The following CHP1 variants were observed in gnomAD, a reference collection of about 807,000 sequenced individuals.
CHP1 encodes calcineurin like EF-hand protein 1, also known as calcineurin B homologous protein 1.
Under a neutral mutation model 27.4 loss-of-function variants are expected in CHP1, and 11 were observed. The observed-to-expected ratio is 0.40, with a 90% CI of 0.25 to 0.67. The LOEUF (loss-of-function observed/expected upper bound fraction) is 0.67. Ranked by LOEUF, CHP1 falls within the 30% of genes least tolerant of loss-of-function variation. CHP1 has a pLI of 0.38. For missense variants in CHP1, 169 were observed against 251.3 expected, an observed-to-expected ratio of 0.67 and a Z score of 2.22; for synonymous variants, 89 against 87.4, an observed-to-expected ratio of 1.02 and a Z score of -0.10.
intron 1 of CHP1, among the ~76,000 whole-genome samples, chr15:41,241,899 C>T (rs1233948100): frequency 6.6e-6 from 1 of 152,200 alleles, no homozygotes; most frequent in Non-Finnish European, 1.5e-5. Context: ...TCTGAAGGTA[C>T]AGCCTCGGAC....
At position 41,265,840 on chromosome 15, in the gene CHP1, C is replaced by T. The variant is rs147017616; in HGVS notation, c.349+2957C>T. On this transcript the variant is annotated intron_variant, in intron 4 of 6. Coordinates refer to ENST00000334660, the MANE Select transcript of CHP1 (RefSeq NM_007236.5). ...TTTGTTCTATTTCTTTTCTAAGCCA[C>T]GGTGAGAGAATTTTAATCACGATCA... Among the ~76,000 whole-genome samples, 203 of 152,234 alleles carry T rather than the reference C, an allele frequency of 1.3e-3. 1 individual carries two copies. The highest frequency in any genetic ancestry group is 4.7e-3 in the African/African-American group (195 of 41,542).
chr15:41,250,899 G>T (rs979614185), intron 2 of CHP1, among the ~76,000 whole-genome samples: 1 of 150,848 alleles, frequency 6.6e-6, no homozygotes, highest in South Asian at 2.1e-4. Context: ...GCACAATCTC[G>T]GCTCACTGCA....
At chr15:41,266,175 C>G (rs1184952578) in intron 4 of CHP1, among the ~76,000 whole-genome samples, 1 of 151,984 alleles carries the variant, frequency 6.6e-6, no homozygotes, top group Non-Finnish European at 1.5e-5. Flanking sequence ...TCCAGCTACT[C>G]AGGAGACTGA....
chr15:41,257,626 C>G (rs2047407480), intron 3 of CHP1, among the ~76,000 whole-genome samples: 1 of 151,988 alleles, frequency 6.6e-6, no homozygotes, highest in Non-Finnish European at 1.5e-5. Flanking sequence ...GTGGTGCCAT[C>G]TCGGCTCACT....
chr15:41,238,216 G>C (rs1242132258), intron 1 of CHP1, among the ~76,000 whole-genome samples: 1 of 151,596 alleles, frequency 6.6e-6, no homozygotes, highest in Non-Finnish European at 1.5e-5. Context: ...GGAGTGGAGG[G>C]GTGTGATCAT....
chr15:41,231,373 C>A lies in CHP1; in HGVS notation c.-10C>A. 1 of 1,594,784 alleles carries A rather than the reference C, an allele frequency of 6.3e-7. No individual in the cohort carries two copies. The highest frequency in any genetic ancestry group is 1.1e-5 in the South Asian group (1 of 87,746). ...GCGCCGCTGCTCCCGGAGGAGCTCC[C>A]GGCACGGCGATGGGTTCTCGGGCCT... On this transcript the variant is annotated 5_prime_UTR_variant, in exon 1 of 7. Coordinates refer to ENST00000334660, the MANE Select transcript of CHP1 (RefSeq NM_007236.5).
rs1244026168 is a variant in CHP1, at chr15:41,279,685, A to T, written c.*296A>T. The stretch of plus-strand genomic sequence containing the variant: ...GCCACACATCCATCCAGTCTGAGAA[A>T]GTGAGAGAGGCAATCATGCCAAGAA... On this transcript the variant is annotated 3_prime_UTR_variant, in exon 7 of 7. Transcript: ENST00000334660. 6.1e-6 allele frequency: 2 copies of T among 327,818 alleles called. No individual in the cohort carries two copies. Among genetic ancestry groups the T allele is most frequent in the Admixed American group, 9.4e-5 (2 of 21,174 alleles). 20.3% of individuals were successfully genotyped at this position (327,818 alleles called of 1,614,324 possible).
Position 41,231,368 on chromosome 15 carries a change from G to C in CHP1, c.-15G>C. On this transcript the variant is annotated 5_prime_UTR_variant, in exon 1 of 7. Transcript: ENST00000334660. ...TTCTGGCGCCGCTGCTCCCGGAGGA[G>C]CTCCCGGCACGGCGATGGGTTCTCG... is the stretch of plus-strand genomic sequence containing the variant. 1 of 1,592,446 alleles carries C rather than the reference G, an allele frequency of 6.3e-7. No homozygotes were observed. Among genetic ancestry groups the C allele is most frequent in the Non-Finnish European group, 8.5e-7 (1 of 1,170,920 alleles).
At position 41,281,788 on chromosome 15, in the gene CHP1, T is replaced by C. The variant is rs1013814527; in HGVS notation, c.*2399T>C. 13 of 152,770 alleles carry C rather than the reference T, an allele frequency of 8.5e-5. No homozygotes were observed. The highest frequency in any genetic ancestry group is 3.1e-4 in the African/African-American group (13 of 41,582). 9.5% of individuals were successfully genotyped at this position (152,770 alleles called of 1,614,324 possible). ...CTAAGGTTATAGATTTTCCCCCCTT[T>C]TGGCTGTATAGCAAAGTGTTTTAAT... On this transcript the variant is annotated 3_prime_UTR_variant, in exon 7 of 7. Coordinates refer to ENST00000334660, the MANE Select transcript of CHP1 (RefSeq NM_007236.5).
chr15:41,231,477 C>T, intron 1 of CHP1, 28 bp downstream of exon 1: 16 of 1,585,122 alleles, frequency 1.0e-5, no homozygotes, highest in Non-Finnish European at 1.4e-5. Context: ...GTGGGAACGC[C>T]GGGCGCCTCA....
Position 41,279,439 on chromosome 15 carries a change from A to G in CHP1, c.*50A>G, listed in dbSNP as rs572026295. The stretch of plus-strand genomic sequence containing the variant: ...TCTAGTATTTAAGAACTGGAACTTG[A>G]AAGTCCTCCTTCTACCAACTCCACC... On this transcript the variant is annotated 3_prime_UTR_variant, in exon 7 of 7. Transcript: ENST00000334660. 2.7e-6 allele frequency: 4 copies of G among 1,507,712 alleles called. No individual in the cohort carries two copies. The Admixed American group carries it at 6.7e-5, about 25-fold the overall frequency. 93.4% of individuals were successfully genotyped at this position (1,507,712 alleles called of 1,614,324 possible).
intron 2 of CHP1, among the ~76,000 whole-genome samples, chr15:41,245,511 A>T (rs1334458833): frequency 6.6e-6 from 1 of 152,190 alleles, no homozygotes; most frequent in Non-Finnish European, 1.5e-5. Context: ...TCTACTTAAC[A>T]TGATGTTTTT....
intron 1 of CHP1, among the ~76,000 whole-genome samples, chr15:41,238,376 G>A (rs531535418): frequency 4.6e-5 from 7 of 151,994 alleles, no homozygotes; most frequent in South Asian, 2.1e-4. Context: ...GCCCAGGCTA[G>A]TTTTGAACTG....
intron 1 of CHP1, among the ~76,000 whole-genome samples, chr15:41,237,146 CT>C (rs1157143384): frequency 2.6e-3 from 335 of 127,388 alleles, no homozygotes; most frequent in Middle Eastern, 4.9e-3. Context: ...TTTTCTTTTT[CT>C]TTTTTTTTTT....
At position 41,279,735 on chromosome 15, in the gene CHP1, G is replaced by C. The variant is rs997170935; in HGVS notation, c.*346G>C. On this transcript the variant is annotated 3_prime_UTR_variant, in exon 7 of 7. Transcript: ENST00000334660. ...ACAAGCCAGCAAAGCTCTTTCACCAGATGTAGACTGTAGCCCTGCTGCCTT... is the reference window on the plus strand; with the variant it reads ...ACAAGCCAGCAAAGCTCTTTCACCACATGTAGACTGTAGCCCTGCTGCCTT... The C allele has an allele frequency of 1.3e-5, 3 of 238,272 alleles. No individual in the cohort carries two copies. Among genetic ancestry groups the C allele is most frequent in the African/African-American group, 4.5e-5 (2 of 44,578 alleles). The allele number at this position is 238,272 out of a possible 1,614,324, so 14.8% of individuals were successfully genotyped here.
At chr15:41,253,423 GTATTTATTTATT>G (rs71732753) in intron 2 of CHP1, among the ~76,000 whole-genome samples, 1,650 of 145,216 alleles carry the variant, frequency 0.011, 33 homozygotes, top group East Asian at 0.065. Context: ...AGTTGACAAA[GTATTTATTTATT>G]TATTTATTTA....
intron 4 of CHP1, among the ~76,000 whole-genome samples, chr15:41,263,740 T>C (rs2047444713): frequency 6.6e-6 from 1 of 152,002 alleles, no homozygotes; most frequent in Non-Finnish European, 1.5e-5. Flanking sequence ...CCAGGTGTGG[T>C]GGCAGGCACC....
chr15:41,256,810 G>T (rs1333631746), intron 2 of CHP1, 100 bp from the exon 3 acceptor site: 1 of 898,170 alleles, frequency 1.1e-6, no homozygotes, highest in East Asian at 2.5e-5. Context: ...AATTCCAGGA[G>T]GTAATATTCT....
intron 2 of CHP1, among the ~76,000 whole-genome samples, chr15:41,245,317 G>T (rs944209473): frequency 6.6e-6 from 1 of 152,010 alleles, no homozygotes; most frequent in Non-Finnish European, 1.5e-5. Flanking sequence ...AAAAATTAGC[G>T]TGGCGTGGTG....
Sources: allele counts gnomAD v4.1 joint callset (sites outside exome capture counted in the v4.1 genomes callset), GRCh38; gene constraint gnomAD v4.1.1; transcripts MANE v1.5; gene names NCBI Gene and HGNC (gene_info 2026-07-23, HGNC 2026-07-21).